CDC23: variants seen among roughly 807,000 people sequenced by gnomAD.
CDC23 encodes cell division cycle protein 23 homolog.
A neutral mutation model predicts 81.7 loss-of-function variants in CDC23; 26 were observed. The observed-to-expected ratio is 0.32, with a 90% CI of 0.23 to 0.44. The LOEUF (loss-of-function observed/expected upper bound fraction) is 0.44, where lower values mean the gene tolerates loss of function less well. Among genes scored for constraint, CDC23 ranks in the 20% least tolerant of loss-of-function variants. The probability of loss-of-function intolerance (pLI) is 1.00; values close to 1 mark genes in which losing one functional copy is unlikely to be tolerated. For synonymous variants in CDC23, 267 were observed against 270.8 expected, an observed-to-expected ratio of 0.99 and a Z score of 0.14; for missense variants, 519 against 728.0, an observed-to-expected ratio of 0.71 and a Z score of 3.30.
chr5:138,200,476 T>C (rs1754974920), intron 6 of CDC23, among the ~76,000 whole-genome samples: 1 of 152,054 alleles, frequency 6.6e-6, no homozygotes, highest in Non-Finnish European at 1.5e-5. Flanking sequence ...ACCTTTCCTA[T>C]AGCATCTTTG....
At chr5:138,192,841 A>T (rs996297420) in intron 9 of CDC23, among the ~76,000 whole-genome samples, 184 bp from the exon 10 acceptor site, 2 of 152,144 alleles carry the variant, frequency 1.3e-5, no homozygotes, top group African/African-American at 4.8e-5. Context: ...TCTGTCACAC[A>T]TTCCGGTTAA....
intron 6 of CDC23, among the ~76,000 whole-genome samples, chr5:138,199,518 A>C (rs1754962295): frequency 2.0e-5 from 3 of 152,182 alleles, no homozygotes; most frequent in African/African-American, 2.4e-5. Context: ...CCTAGATAGA[A>C]AGTACCCATT....
At chr5:138,195,728 ATATACATATAATATATATGTATATAT>A (rs1412157826) in intron 9 of CDC23, among the ~76,000 whole-genome samples, 1 of 115,994 alleles carries the variant, frequency 8.6e-6, no homozygotes, top group Non-Finnish European at 1.7e-5. Context: ...ATATGTATAT[ATATACATATAATATATATGTATATAT>A]ATACATATAT....
chr5:138,195,567 TTTATATATAATATA>T lies in CDC23; in HGVS notation c.1012+2618_1012+2631del, dbSNP rs1300170830. 1.3e-4 allele frequency among the ~76,000 whole-genome samples: 12 copies of T among 90,828 alleles called. No individual in the cohort carries two copies. In the Middle Eastern group the frequency reaches 0.013, roughly 96 times the overall value. The allele number at this position is 90,828 out of a possible 152,430, so 59.6% of individuals were successfully genotyped here. On this transcript the variant is annotated intron_variant, in intron 9 of 15. Coordinates refer to ENST00000394886, the MANE Select transcript of CDC23 (RefSeq NM_004661.4). ...ATATAATATAATTATATATAATATA[TTTATATATAATATA>T]TTATATATAATATATATTATATATG... is the stretch of plus-strand genomic sequence containing the variant.
intron 2 of CDC23, among the ~76,000 whole-genome samples, chr5:138,210,562 C>G (rs1276231784): frequency 6.6e-6 from 1 of 152,070 alleles, no homozygotes; most frequent in Admixed American, 6.6e-5. Flanking sequence ...AAATAAATCA[C>G]AGTTTTAAGG....
chr5:138,200,872 T>C (rs959791118), intron 6 of CDC23: 3 of 477,574 alleles, frequency 6.3e-6, no homozygotes, highest in South Asian at 3.5e-5. Context: ...AACATGAATA[T>C]GAAAAAAATA....
chr5:138,202,955 G>C (rs1295975432), intron 3 of CDC23, among the ~76,000 whole-genome samples: 3 of 152,152 alleles, frequency 2.0e-5, no homozygotes, highest in South Asian at 4.1e-4. Flanking sequence ...TGAGTTGCAA[G>C]GGAAATAACA....
In CDC23 at chr5:138,189,720, G is replaced by A. The variant is rs1754804688; in HGVS notation, c.1536C>T (p.Ala512=). ...EIVEHLEEST[A]FRYLAQYYFK... is the part of the protein sequence containing the mutation. The stretch of plus-strand genomic sequence containing the variant: ...AATAGTACTGGGCCAGATAGCGAAA[G>A]GCAGTGCTTTCCTCCAAGTGTTCTA... Residue 512 remains alanine (A), a synonymous_variant, in exon 15 of 16, where the codon GCC becomes GCT. Transcript: ENST00000394886. 4 of 1,613,994 alleles carry A rather than the reference G, an allele frequency of 2.5e-6. No homozygotes were observed. The highest frequency in any genetic ancestry group is 2.5e-6 in the Non-Finnish European group (3 of 1,179,918).
chr5:138,188,066 C>G lies in CDC23; in HGVS notation c.*912G>C, dbSNP rs2151234996. 1 of 152,258 alleles carries G rather than the reference C, an allele frequency of 6.6e-6. No individual in the cohort carries two copies. Among genetic ancestry groups the G allele is most frequent in the South Asian group, 2.1e-4 (1 of 4,812 alleles). 9.4% of individuals were successfully genotyped at this position (152,258 alleles called of 1,614,324 possible). A position where few individuals can be genotyped will look rare whatever the true frequency, so the allele number is the denominator to read the frequency against. The stretch of plus-strand genomic sequence containing the variant: ...CTCCAAGAGCACCATAAGAATGATT[C>G]CCTTTACCTCATCTAGATAAAGGCT... On this transcript the variant is annotated 3_prime_UTR_variant, in exon 16 of 16. Transcript: ENST00000394886.
rs762353203 is a variant in CDC23, at chr5:138,212,985, C to T, written c.234+6G>A. Reference sequence around the variant, plus strand: ...TGGGGAGCGCTCACTGTAAACATGTCCTTACCTCTGTAATAGGCGGAGGCG... The same window carrying T: ...TGGGGAGCGCTCACTGTAAACATGTTCTTACCTCTGTAATAGGCGGAGGCG... On this transcript the variant is annotated splice_donor_region_variant and intron_variant, in intron 2 of 15. Coordinates refer to ENST00000394886, the MANE Select transcript of CDC23 (RefSeq NM_004661.4). 3 of 1,613,378 alleles carry T rather than the reference C, an allele frequency of 1.9e-6. No individual in the cohort carries two copies. The highest frequency in any genetic ancestry group is 4.5e-5 in the East Asian group (2 of 44,876).
In CDC23 at chr5:138,206,505, T is replaced by C. The variant is rs1292207205; in HGVS notation, c.372+42A>G. 8 of 1,609,762 alleles carry C rather than the reference T, an allele frequency of 5.0e-6. No individual in the cohort carries two copies. The South Asian group carries it at 5.5e-5, about 11-fold the overall frequency. On this transcript the variant is annotated intron_variant, in intron 3 of 15. Coordinates refer to ENST00000394886, the MANE Select transcript of CDC23 (RefSeq NM_004661.4). ...CTTTTCCATTGGTTCTAAATATGGA[T>C]GTTTCACTAAAGGCAGAATGACATT...
In CDC23 at chr5:138,189,881, C is replaced by G; in HGVS notation, c.1450G>C (p.Glu484Gln). Residue 484 changes from glutamate (E) to glutamine (Q), a missense_variant, in exon 14 of 16, where the codon GAA (glutamate) becomes CAA (glutamine). Around this residue, in one of 4 missense-constraint regions of CDC23, gnomAD observed 175 missense variants for 337.8 expected, o/e 0.52. Transcript: ENST00000394886. Reference protein sequence around the residue: ...AKLHEQLTESEQAAQCYIKYI... With the variant: ...AKLHEQLTESQQAAQCYIKYI... ...TTGATGTAACACTGGGCAGCCTGTT[C>G]TGACTCAGTCAACTGTTCATGAAGC... 17 of 1,614,112 alleles carry G rather than the reference C, an allele frequency of 1.1e-5. No individual in the cohort carries two copies. The highest frequency in any genetic ancestry group is 1.4e-5 in the Non-Finnish European group (17 of 1,179,986).
At chr5:138,193,322 A>G (rs1479777744) in intron 9 of CDC23, among the ~76,000 whole-genome samples, 1 of 152,282 alleles carries the variant, frequency 6.6e-6, no homozygotes, top group East Asian at 1.9e-4. Flanking sequence ...CAGGCTGGGC[A>G]TGGTGACTCA....
chr5:138,194,873 C>A (rs935924233), intron 9 of CDC23, among the ~76,000 whole-genome samples: 3 of 151,724 alleles, frequency 2.0e-5, no homozygotes, highest in African/African-American at 7.3e-5. Flanking sequence ...AGGTATCCGC[C>A]ACCATGCCCG....
In CDC23 at chr5:138,192,552, T is replaced by G; in HGVS notation, c.1118A>C (p.His373Pro). Residue 373 changes from histidine to proline, a missense_variant, in exon 10 of 16, where the codon CAT becomes CCT. Physicochemically the swap from His to Pro is moderately conservative, Grantham distance 77 (BLOSUM62 -2). Coordinates refer to ENST00000394886, the MANE Select transcript of CDC23 (RefSeq NM_004661.4). The stretch of plus-strand genomic sequence containing the variant: ...CGTGTTCTTCATCTCCATGTACTCA[T>G]GTCCCATTAGTGTCCAGGCACCAAG... ...RYLGAWTLMG[H>P]EYMEMKNTSA... 1 of 1,614,188 alleles carries G rather than the reference T, an allele frequency of 6.2e-7. No homozygotes were observed. Among genetic ancestry groups the G allele is most frequent in the Non-Finnish European group, 8.5e-7 (1 of 1,180,030 alleles).
intron 2 of CDC23, 31 bp downstream of exon 2, chr5:138,212,960 T>C (rs376507532): frequency 1.3e-4 from 204 of 1,587,438 alleles, no homozygotes; most frequent in Middle Eastern, 3.3e-4. Context: ...CCTGGGTTGA[T>C]GGGGAGCGCT....
At chr5:138,204,769 G>A (rs1292453641) in intron 3 of CDC23, among the ~76,000 whole-genome samples, 2 of 151,006 alleles carry the variant, frequency 1.3e-5, no homozygotes, top group Non-Finnish European at 3.0e-5. Flanking sequence ...ACAGGCGCTC[G>A]CCACTGCGCC....
chr5:138,206,814 T>C (rs1755055036), intron 2 of CDC23, 130 bp from the exon 3 acceptor site: 1 of 603,762 alleles, frequency 1.7e-6, no homozygotes. Flanking sequence ...AAACCTAGAA[T>C]ATGTAGATGC....
intron 9 of CDC23, among the ~76,000 whole-genome samples, chr5:138,195,548 TATA>T (rs1246273211): frequency 1.9e-5 from 2 of 107,616 alleles, no homozygotes; most frequent in African/African-American, 6.9e-5. Flanking sequence ...TTATATATAA[TATA>T]ATTATATATA....
Sources: allele counts gnomAD v4.1 joint callset (sites outside exome capture counted in the v4.1 genomes callset), GRCh38; gene constraint gnomAD v4.1.1; regional missense constraint gnomAD v4.1.1; transcripts MANE v1.5; gene names NCBI Gene and HGNC (gene_info 2026-07-23, HGNC 2026-07-21).